NBPF26: variants seen among roughly 807,000 people sequenced by gnomAD.
The protein encoded by NBPF26 is NBPF family member NBPF26.
In NBPF26, 79 loss-of-function variants were observed where a neutral mutation model predicts 119.6. The ratio of observed to expected loss-of-function variants is 0.66; its 90% confidence interval spans 0.55 to 0.80. NBPF26 has a LOEUF of 0.80. NBPF26 is among the 30% of genes least tolerant of loss of function. The pLI is 0.00. For synonymous variants in NBPF26, 299 were observed against 457.7 expected, an observed-to-expected ratio of 0.65 and a Z score of 4.43; for missense variants, 800 against 1,198.2, an observed-to-expected ratio of 0.67 and a Z score of 4.91.
chr1:120,778,303 T>TG (rs1651321810), intron 2 of NBPF26, among the ~76,000 whole-genome samples: 1 of 67,454 alleles, frequency 1.5e-5, no homozygotes, highest in Non-Finnish European at 2.5e-5. Context: ...CACTGCGGAT[T>TG]GGGGGGCCAA....
rs1223866746 is a variant in NBPF26 at position 120,779,686 on chromosome 1, A to G, written c.156-5288A>G. On this transcript the variant is annotated intron_variant, in intron 2 of 29. Transcript: ENST00000620612. ...GCTGGGTAGCTTAATGGAATTATAG[A>G]TATGTAAGGGGTGTTGGGTGTTTAG... 1.6e-5 allele frequency among the ~76,000 whole-genome samples: 2 copies of G among 122,260 alleles called. 1 individual carries two copies. Among genetic ancestry groups the G allele is most frequent in the Non-Finnish European group, 3.3e-5 (2 of 60,406 alleles). 80.2% of individuals were successfully genotyped at this position (122,260 alleles called of 152,430 possible).
At chr1:120,810,410 T>C in exon 9 of NBPF26, 1 of 1,589,202 alleles carries the variant, frequency 6.3e-7, no homozygotes, top group Admixed American at 1.7e-5. Context: ...GTGCCATCAC[T>C]TGTTCAAATA....
chr1:120,815,086 A>G (rs1651976844), intron 12 of NBPF26, 43 bp downstream of exon 12: 2 of 1,179,330 alleles, frequency 1.7e-6, no homozygotes, highest in Non-Finnish European at 2.4e-6. Flanking sequence ...TCCCAGGCTT[A>G]TGAGAGACTC....
chr1:120,779,576 A>G (rs1485956933), intron 2 of NBPF26, among the ~76,000 whole-genome samples: 1 of 121,606 alleles, frequency 8.2e-6, no homozygotes, highest in Non-Finnish European at 1.7e-5. Flanking sequence ...AGTTTTGCGG[A>G]TGAAAGGCAT....
intron 1 of NBPF26, among the ~76,000 whole-genome samples, 195 bp from the exon 2 acceptor site, chr1:120,763,433 G>T (rs1357865495): frequency 9.2e-6 from 1 of 109,114 alleles, no homozygotes; most frequent in Non-Finnish European, 1.7e-5. Flanking sequence ...GACCACAAAT[G>T]TGGTTATTGT....
chr1:120,726,806 T>G (rs1483540690), intron 1 of NBPF26, among the ~76,000 whole-genome samples: 1 of 113,028 alleles, frequency 8.8e-6, no homozygotes, highest in African/African-American at 5.4e-5. Context: ...TCTCTTATTT[T>G]TCTGAATGTT....
intron 1 of NBPF26, among the ~76,000 whole-genome samples, chr1:120,752,548 ATATATATTTT>A (rs1365491172): frequency 8.9e-5 from 1 of 11,276 alleles, no homozygotes; most frequent in African/African-American, 4.6e-4. Context: ...ATATATATAT[ATATATATTTT>A]TTTTTTTTTT....
chr1:120,840,508 C>T (rs1170277300), exon 30 of NBPF26: 4 of 1,476,066 alleles, frequency 2.7e-6, no homozygotes, highest in Admixed American at 1.8e-5. Context: ...ATCAGCTTCG[C>T]CCTTTACGTG....
At chr1:120,820,477 T>C (rs1312377687) in intron 15 of NBPF26, among the ~76,000 whole-genome samples, 5 of 23,038 alleles carry the variant, frequency 2.2e-4, no homozygotes, top group Non-Finnish European at 4.0e-4. Flanking sequence ...TATATATATA[T>C]ATATATATAT....
chr1:120,823,053 G>T (rs1256853247), intron 16 of NBPF26, among the ~76,000 whole-genome samples: 1 of 121,962 alleles, frequency 8.2e-6, no homozygotes, highest in African/African-American at 4.0e-5. Flanking sequence ...TTGCTCATTT[G>T]TGTACATAAA....
intron 9 of NBPF26, among the ~76,000 whole-genome samples, chr1:120,811,349 C>A (rs1235044732): frequency 9.0e-6 from 1 of 111,118 alleles, no homozygotes; most frequent in African/African-American, 5.3e-5. Context: ...AGTTCAAAAC[C>A]AGCCTGTCCA....
chr1:120,811,403 G>A (rs1651861712), intron 9 of NBPF26, among the ~76,000 whole-genome samples: 1 of 108,264 alleles, frequency 9.2e-6, no homozygotes. Flanking sequence ...AAAATTAGCT[G>A]GCATGTTACT....
In NBPF26 at chr1:120,811,404, G is replaced by A. The variant is rs1264344798; in HGVS notation, c.1565-482G>A. 4.4e-4 allele frequency among the ~76,000 whole-genome samples: 48 copies of A among 107,922 alleles called. 15 individuals carry two copies. Among genetic ancestry groups the A allele is most frequent in the Admixed American group, 7.6e-4 (9 of 11,780 alleles). 70.8% of individuals were successfully genotyped at this position (107,922 alleles called of 152,430 possible). A position where few individuals can be genotyped will look rare whatever the true frequency, so the allele number is the denominator to read the frequency against. On this transcript the variant is annotated intron_variant, in intron 9 of 29. Transcript: ENST00000620612. ...CTACTAAAAATACAAAAATTAGCTGGCATGTTACTTGGCGCTTGTAATCCC... is the reference window on the plus strand; with the variant it reads ...CTACTAAAAATACAAAAATTAGCTGACATGTTACTTGGCGCTTGTAATCCC...
At position 120,805,439 on chromosome 1, in the gene NBPF26, A is replaced by G. The variant is rs1384859594; in HGVS notation, c.752-117A>G. 320 of 1,354,246 alleles carry G rather than the reference A, an allele frequency of 2.4e-4. 86 individuals are homozygous for G. The African/African-American group carries it at 4.7e-3, about 20-fold the overall frequency. 83.9% of individuals were successfully genotyped at this position (1,354,246 alleles called of 1,614,324 possible). On this transcript the variant is annotated intron_variant, in intron 4 of 29. Coordinates refer to ENST00000620612, the Ensembl canonical transcript of NBPF26. ...TCCTAAAGTGCTGTGGGGAGTGATC[A>G]CATTTTTCACAACAGTAAGGTAAGA...
In NBPF26 at chr1:120,816,843, C is replaced by G; in HGVS notation, c.2371+16C>G. On this transcript the variant is annotated intron_variant, in intron 14 of 29. Coordinates refer to ENST00000620612, the Ensembl canonical transcript of NBPF26. ...ATTATTCCAGGTAGCCTCTGTTTTC[C>G]TTGTGTCTCATACCTCTTTCTTGGC... is the stretch of plus-strand genomic sequence containing the variant. The G allele has an allele frequency of 2.1e-6, 3 of 1,449,240 alleles. No individual in the cohort carries two copies. The highest frequency in any genetic ancestry group is 4.6e-5 in the East Asian group (2 of 43,770). 89.8% of individuals were successfully genotyped at this position (1,449,240 alleles called of 1,614,324 possible).
At chr1:120,802,446 G>T (rs1475479810) in intron 4 of NBPF26, among the ~76,000 whole-genome samples, 1 of 126,482 alleles carries the variant, frequency 7.9e-6, no homozygotes, top group Non-Finnish European at 1.6e-5. Context: ...AGAAGTAAAG[G>T]AGATCTGGCT....
intron 1 of NBPF26, among the ~76,000 whole-genome samples, chr1:120,760,431 C>T (rs1455195103): frequency 3.1e-5 from 4 of 128,396 alleles, no homozygotes; most frequent in Admixed American, 7.6e-5. Context: ...CCTCAGCCGC[C>T]CAAAGTGCTG....
chr1:120,728,746 A>T (rs2101343242), intron 1 of NBPF26, among the ~76,000 whole-genome samples: 1 of 116,256 alleles, frequency 8.6e-6, no homozygotes, highest in Admixed American at 8.2e-5. Context: ...GATTTTTTTC[A>T]TTGAGTTGGA....
In NBPF26 at chr1:120,728,794, T is replaced by C. The variant is rs1311031550; in HGVS notation, c.73+4544T>C. 4.9e-4 allele frequency among the ~76,000 whole-genome samples: 57 copies of C among 116,186 alleles called. 10 individuals are homozygous for C. The highest frequency in any genetic ancestry group is 7.6e-4 in the Non-Finnish European group (46 of 60,786). The allele number at this position is 116,186 out of a possible 152,430, so 76.2% of individuals were successfully genotyped here. A position where few individuals can be genotyped will look rare whatever the true frequency, so the allele number is the denominator to read the frequency against. On this transcript the variant is annotated intron_variant, in intron 1 of 29. Coordinates refer to ENST00000620612, the Ensembl canonical transcript of NBPF26. ...GTACTGGATTGAGAGAATATGTACA[T>C]TTAGTAAAGTATATTTGCTTTTTTT...
Sources: gnomAD v4.1 joint callset for allele counts (sites outside exome capture counted in the v4.1 genomes callset) on GRCh38, gnomAD v4.1.1 for gene constraint, MANE v1.5 for transcripts, NCBI Gene and HGNC (gene_info 2026-07-23, HGNC 2026-07-21) for gene names.